The following RAET1G variants were observed in gnomAD, a reference collection of about 807,000 sequenced individuals.
RAET1G encodes retinoic acid early transcript 1G, also known as UL-16 binding protein 5.
In RAET1G, 25 loss-of-function variants were observed where a neutral mutation model predicts 29.5. The observed-to-expected ratio is 0.85, with a 90% CI of 0.62 to 1.18. RAET1G has a LOEUF of 1.18. Among genes scored for constraint, RAET1G ranks in the 50% most tolerant of loss-of-function variants. RAET1G has a pLI of 0.00. For missense variants in RAET1G, 434 were observed against 423.6 expected (o/e 1.02, Z -0.22); for synonymous variants, 167 against 159.5 (o/e 1.05, Z -0.36).
intron 4 of RAET1G, 141 bp from the exon 5 acceptor site, chr6:149,917,215 A>G (rs1778464358): frequency 1.6e-6 from 2 of 1,245,130 alleles, no homozygotes; most frequent in East Asian, 5.8e-5. Context: ...GTGGACCAGG[A>G]GCGTGACCCT....
intron 1 of RAET1G, 70 bp from the exon 2 acceptor site, chr6:149,919,886 G>A: frequency 1.9e-6 from 3 of 1,611,690 alleles, no homozygotes; most frequent in Non-Finnish European, 2.5e-6. Context: ...TCCACACTGT[G>A]ACAATAAGAG....
chr6:149,920,357 G>A (rs1170343442), intron 1 of RAET1G, among the ~76,000 whole-genome samples: 1 of 152,182 alleles, frequency 6.6e-6, no homozygotes, highest in Non-Finnish European at 1.5e-5. Context: ...TGGACAAAGG[G>A]ATGGTCCACA....
intron 1 of RAET1G, among the ~76,000 whole-genome samples, chr6:149,921,652 T>A (rs1335138848): frequency 1.3e-5 from 2 of 152,128 alleles, no homozygotes; most frequent in South Asian, 2.1e-4. Context: ...TCAGGGAAGG[T>A]CACTGATGGC....
At chr6:149,917,216 G>A in intron 4 of RAET1G, 142 bp from the exon 5 acceptor site, 2 of 1,242,680 alleles carry the variant, frequency 1.6e-6, no homozygotes, top group Non-Finnish European at 2.1e-6. Context: ...TGGACCAGGA[G>A]CGTGACCCTG....
At chr6:149,918,010 C>G (rs2114644564) in intron 4 of RAET1G, among the ~76,000 whole-genome samples, 164 bp downstream of exon 4, 1 of 152,344 alleles carries the variant, frequency 6.6e-6, no homozygotes, top group Middle Eastern at 3.4e-3. Context: ...CAGGGCAGAG[C>G]TGCCCAGGTC....
chr6:149,918,468 C>A (rs1193344466), intron 3 of RAET1G, 84 bp from the exon 4 acceptor site: 20 of 1,458,668 alleles, frequency 1.4e-5, no homozygotes, highest in Non-Finnish European at 1.9e-5. Context: ...TGACCCAGGT[C>A]ATCCTGGAAG....
chr6:149,918,109 C>T, intron 4 of RAET1G, 65 bp downstream of exon 4: 1 of 1,424,520 alleles, frequency 7.0e-7, no homozygotes, highest in Non-Finnish European at 9.8e-7. Flanking sequence ...TCTGGGAATT[C>T]TCCATCCCTG....
At position 149,918,320 on chromosome 6, in the gene RAET1G, G is replaced by A. The variant is rs1778499351; in HGVS notation, c.696C>T (p.Cys232=). The A allele has an allele frequency of 1.2e-6, 2 of 1,613,642 alleles. No homozygotes were observed. ...TGAGGAGACACATGATGAGGAGGCA[G>A]CAAAGGATGAGGGTGGTGGCCGTGG... ...PRATATTLIL[C]CLLIMCLLIC... Residue 232 remains cysteine, a synonymous_variant, in exon 4 of 5, where the codon TGC becomes TGT. Transcript: ENST00000367360.
Position 149,919,222 on chromosome 6 carries a change from A to T in RAET1G, c.452T>A (p.Phe151Tyr). The T allele has an allele frequency of 6.2e-7, 1 of 1,614,176 alleles. No individual in the cohort carries two copies. The highest frequency in any genetic ancestry group is 8.5e-7 in the Non-Finnish European group (1 of 1,180,022). ...TGTCCACATTCTGTTTTCTGAGTCA[A>T]AGAGGAGGAAGATCTGTCCATCGAA... ...LSFDGQIFLL[F>Y]DSENRMWTTV... Residue 151 changes from phenylalanine (F) to tyrosine (Y), a missense_variant, in exon 3 of 5, where the codon TTT becomes TAT. By Grantham distance (22) the Phe-to-Tyr change is conservative. Transcript: ENST00000367360.
In RAET1G at chr6:149,919,786, A is replaced by T; in HGVS notation, c.116T>A (p.Val39Asp). The change falls in exon 2 of 5, where the codon GTC becomes GAC. Residue 39 changes from valine (V) to aspartate (D), a missense_variant. By Grantham distance (152) the Val-to-Asp change is radical. Transcript: ENST00000367360. ...TGGTCCAGGTCTGAACTTAGGGATG[A>T]CGGTGATGTCATAGCAAAGAGAGTG... ...DPHSLCYDIT[V>D]IPKFRPGPRW... 6.2e-7 allele frequency: 1 copy of T among 1,612,202 alleles called. No homozygotes were observed. Among genetic ancestry groups the T allele is most frequent in the Admixed American group, 1.7e-5 (1 of 60,018 alleles).
intron 1 of RAET1G, among the ~76,000 whole-genome samples, chr6:149,920,187 T>G (rs1778566014): frequency 6.6e-6 from 1 of 152,046 alleles, no homozygotes; most frequent in Non-Finnish European, 1.5e-5. Flanking sequence ...GGACAGGGTG[T>G]GGGAGCTGCA....
rs188134886 is a variant in RAET1G at position 149,918,703 on chromosome 6, C to T, written c.632-319G>A. On this transcript the variant is annotated intron_variant, in intron 3 of 4. Coordinates refer to ENST00000367360, the MANE Select transcript of RAET1G (RefSeq NM_001001788.4). ...CTTGGAGGAGGTTTTGATGGATTTC[C>T]AGAAACAGACCAGAGGAGGAAAGGA... The T allele has an allele frequency of 1.3e-3, 782 of 592,778 alleles. 7 individuals are homozygous for T. Among genetic ancestry groups the T allele is most frequent in the African/African-American group, 0.012 (665 of 53,764 alleles). The allele number at this position is 592,778 out of a possible 1,614,324, so 36.7% of individuals were successfully genotyped here. A position where few individuals can be genotyped will look rare whatever the true frequency, so the allele number is the denominator to read the frequency against.
intron 1 of RAET1G, 87 bp downstream of exon 1, chr6:149,922,839 C>G: frequency 1.1e-6 from 1 of 938,150 alleles, no homozygotes; most frequent in Non-Finnish European, 1.6e-6. Context: ...ACGGGTCCTT[C>G]CAGAAGCCTC....
At chr6:149,919,971 G>T (rs553990844) in intron 1 of RAET1G, among the ~76,000 whole-genome samples, 155 bp from the exon 2 acceptor site, 1 of 152,200 alleles carries the variant, frequency 6.6e-6, no homozygotes, top group African/African-American at 2.4e-5. Context: ...AGATTAAGGC[G>T]AGTGCTCCCC....
Position 149,919,559 on chromosome 6 carries a change from G to T in RAET1G, c.343C>A (p.Pro115Thr), listed in dbSNP as rs776159616. 2 of 1,613,892 alleles carry T rather than the reference G, an allele frequency of 1.2e-6. No homozygotes were observed. The highest frequency in any genetic ancestry group is 2.2e-5 in the East Asian group (1 of 44,898). ...TGGGCCATCTGAAACTTACCCTTGG[G>T]TATGTAATTCTCCAGCTGAATGTCA... is the stretch of plus-strand genomic sequence containing the variant. ...LLDIQLENYI[P>T]KEPLTLQARM... is the part of the protein sequence containing the mutation. The change falls in exon 2 of 5, where the codon CCC becomes ACC. Residue 115 changes from proline to threonine, a missense_variant. Physicochemically the swap from Pro to Thr is conservative, Grantham distance 38. Coordinates refer to ENST00000367360, the MANE Select transcript of RAET1G (RefSeq NM_001001788.4).
chr6:149,920,481 C>G (rs1778574040), intron 1 of RAET1G, among the ~76,000 whole-genome samples: 1 of 152,090 alleles, frequency 6.6e-6, no homozygotes, highest in African/African-American at 2.4e-5. Flanking sequence ...AGAACAATGT[C>G]CATCTGCTGT....
At position 149,920,581 on chromosome 6, in the gene RAET1G, G is replaced by T. The variant is rs140536994; in HGVS notation, c.86-765C>A. The stretch of plus-strand genomic sequence containing the variant: ...CCAGAATGGGATGAAGCTCAGGGAT[G>T]CCTATTGCTGAAGGCCAGGGTTGGG... On this transcript the variant is annotated intron_variant, in intron 1 of 4. Transcript: ENST00000367360. 1.4e-4 allele frequency among the ~76,000 whole-genome samples: 21 copies of T among 152,296 alleles called. No homozygotes were observed. The East Asian group carries it at 2.5e-3, about 18-fold the overall frequency.
intron 3 of RAET1G, 134 bp downstream of exon 3, chr6:149,918,909 G>A (rs1778521576): frequency 1.4e-6 from 2 of 1,444,664 alleles, no homozygotes; most frequent in South Asian, 2.7e-5. Flanking sequence ...ACCCCCAGGA[G>A]GAGCACCCCA....
Position 149,917,053 on chromosome 6 carries a change from G to A in RAET1G, c.864C>T (p.Pro288=). The part of the protein sequence containing the change: ...WSDSYQIAKR[P]LSGGHVTRVT... ...CGCGAGTCACGTGTCCACCAGACAA[G>A]GGGCGCTTCGCTATTTGGTAGCTGA... Residue 288 remains proline (P), a synonymous_variant, in exon 5 of 5, where the codon CCC becomes CCT. Coordinates refer to ENST00000367360, the MANE Select transcript of RAET1G (RefSeq NM_001001788.4). 1.3e-6 allele frequency: 2 copies of A among 1,548,820 alleles called. No homozygotes were observed. Among genetic ancestry groups the A allele is most frequent in the Non-Finnish European group, 1.7e-6 (2 of 1,145,752 alleles).
Sources: allele counts gnomAD v4.1 joint callset (sites outside exome capture counted in the v4.1 genomes callset), GRCh38; gene constraint gnomAD v4.1.1; transcripts MANE v1.5; gene names NCBI Gene and HGNC (gene_info 2026-07-23, HGNC 2026-07-21).